Variants in CCDC60 observed in about 807,000 individuals in gnomAD.
CCDC60 encodes the protein coiled-coil domain containing 60.
CCDC60 carries 54 observed loss-of-function variants against 63.5 expected under a neutral mutation model. That is an observed-to-expected ratio of 0.85 (90% CI 0.68 to 1.07). The LOEUF (loss-of-function observed/expected upper bound fraction) is 1.07. Among genes scored for constraint, CCDC60 ranks in the 50% least tolerant of loss-of-function variants. The pLI is 0.00. For missense variants in CCDC60, 651 were observed against 684.3 expected (o/e 0.95, Z 0.54); for synonymous variants, 206 against 238.8 (o/e 0.86, Z 1.27).
chr12:119,397,170 T>C (rs1024892097), intron 1 of CCDC60, among the ~76,000 whole-genome samples: 1 of 152,194 alleles, frequency 6.6e-6, no homozygotes, highest in Non-Finnish European at 1.5e-5. Flanking sequence ...ATGGTGAGCA[T>C]TACAGCTCAT....
chr12:119,470,576 G>A (rs772968899), intron 2 of CCDC60, among the ~76,000 whole-genome samples: 3 of 152,192 alleles, frequency 2.0e-5, no homozygotes, highest in Admixed American at 6.5e-5. Context: ...ACCTTAGCTC[G>A]TCTTAGCAAA....
At chr12:119,433,937 T>A (rs374864832) in intron 2 of CCDC60, among the ~76,000 whole-genome samples, 2 of 152,216 alleles carry the variant, frequency 1.3e-5, no homozygotes, top group Admixed American at 1.3e-4. Context: ...TCTCTTTGCA[T>A]GTGCCCAGTT....
At chr12:119,355,096 T>C (rs1206566716) in intron 1 of CCDC60, among the ~76,000 whole-genome samples, 1 of 152,206 alleles carries the variant, frequency 6.6e-6, no homozygotes, top group Non-Finnish European at 1.5e-5. Flanking sequence ...AGCCTCAGTT[T>C]CCTTATCCAC....
At chr12:119,407,768 C>T (rs1470035539) in intron 1 of CCDC60, among the ~76,000 whole-genome samples, 2 of 152,020 alleles carry the variant, frequency 1.3e-5, no homozygotes, top group Non-Finnish European at 2.9e-5. Flanking sequence ...ATAAAATGGG[C>T]ACTCCAGAAG....
At chr12:119,441,500 A>G (rs111539698) in intron 2 of CCDC60, among the ~76,000 whole-genome samples, 1,666 of 152,324 alleles carry the variant, frequency 0.011, 37 homozygotes, top group African/African-American at 0.038. Context: ...CAGCATCAGA[A>G]GAAGGAACAT....
chr12:119,499,651 C>T (rs1951800407), intron 5 of CCDC60, among the ~76,000 whole-genome samples: 1 of 152,138 alleles, frequency 6.6e-6, no homozygotes, highest in Admixed American at 6.5e-5. Flanking sequence ...CCCTCAATCC[C>T]ACCCAGTAAT....
chr12:119,403,762 C>T (rs761085215), intron 1 of CCDC60, among the ~76,000 whole-genome samples: 13 of 152,160 alleles, frequency 8.5e-5, no homozygotes, highest in Non-Finnish European at 1.6e-4. Flanking sequence ...AGTTCTCACT[C>T]ACCTCCATCC....
At chr12:119,482,603 T>A (rs1387058491) in intron 4 of CCDC60, among the ~76,000 whole-genome samples, 1 of 152,198 alleles carries the variant, frequency 6.6e-6, no homozygotes, top group African/African-American at 2.4e-5. Context: ...GAAGGCTGCC[T>A]TTTCTTATCC....
At chr12:119,458,496 T>G (rs1377399717) in intron 2 of CCDC60, among the ~76,000 whole-genome samples, 1 of 152,216 alleles carries the variant, frequency 6.6e-6, no homozygotes, top group Non-Finnish European at 1.5e-5. Context: ...TGGTAGTTAA[T>G]CCCATGCCCC....
chr12:119,444,265 C>A (rs574718073), intron 2 of CCDC60, among the ~76,000 whole-genome samples: 2 of 152,284 alleles, frequency 1.3e-5, no homozygotes, highest in South Asian at 4.1e-4. Context: ...TGTCACAGTA[C>A]GTGTTGGCTC....
intron 1 of CCDC60, among the ~76,000 whole-genome samples, chr12:119,393,014 AT>A (rs1956187746): frequency 6.6e-6 from 1 of 152,192 alleles, no homozygotes; most frequent in South Asian, 2.1e-4. Flanking sequence ...AATTAAAAAT[AT>A]CAGACAGTCA....
intron 1 of CCDC60, among the ~76,000 whole-genome samples, chr12:119,393,329 G>A (rs1356225986): frequency 1.3e-5 from 2 of 152,200 alleles, no homozygotes; most frequent in Admixed American, 6.5e-5. Flanking sequence ...CCTTGGAAAG[G>A]GAGGAGGGGG....
intron 1 of CCDC60, among the ~76,000 whole-genome samples, chr12:119,383,546 T>G (rs1956030187): frequency 6.6e-6 from 1 of 152,186 alleles, no homozygotes; most frequent in Non-Finnish European, 1.5e-5. Context: ...CCGCGACAGC[T>G]ATGATGGGCT....
chr12:119,488,686 T>G, intron 4 of CCDC60, 73 bp from the exon 5 acceptor site: 2 of 1,298,274 alleles, frequency 1.5e-6, no homozygotes, highest in Non-Finnish European at 2.2e-6. Context: ...ACCACTACTA[T>G]TTCTGTGGCT....
chr12:119,350,724 C>T (rs139813271), intron 1 of CCDC60, among the ~76,000 whole-genome samples: 24 of 152,166 alleles, frequency 1.6e-4, no homozygotes, highest in Middle Eastern at 3.4e-3. Flanking sequence ...CTCTGGTTCC[C>T]GCTCTCAACA....
chr12:119,528,722 A>T lies in CCDC60; in HGVS notation c.1337A>T (p.Asp446Val), dbSNP rs749823399. ...MRHHISVVKG[D>V]AEEIADHWYF... ...CATCACATATCTGTAGTAAAAGGAG[A>T]TGCAGAAGAAATTGCAGACCACTGG... Residue 446 changes from aspartate (D) to valine (V), a missense_variant, in exon 12 of 14, where the codon GAT becomes GTT. Transcript: ENST00000327554. 6.2e-7 allele frequency: 1 copy of T among 1,613,882 alleles called. No homozygotes were observed.
intron 8 of CCDC60, among the ~76,000 whole-genome samples, chr12:119,518,163 G>A (rs1952405204): frequency 6.6e-6 from 1 of 152,156 alleles, no homozygotes; most frequent in Non-Finnish European, 1.5e-5. Context: ...GAGGCACTCA[G>A]AGACAATGCT....
At chr12:119,476,971 CTTAT>C (rs1270842995) in intron 3 of CCDC60, among the ~76,000 whole-genome samples, 1 of 152,236 alleles carries the variant, frequency 6.6e-6, no homozygotes, top group Non-Finnish European at 1.5e-5. Context: ...CACTCTAAAA[CTTAT>C]TAACTCAAGA....
intron 2 of CCDC60, among the ~76,000 whole-genome samples, chr12:119,470,937 G>T (rs150552309): frequency 6.6e-6 from 1 of 152,158 alleles, no homozygotes; most frequent in Admixed American, 6.5e-5. Flanking sequence ...CACATTGCTT[G>T]CTTACTAGGA....
Sources: gnomAD v4.1 joint callset for allele counts (sites outside exome capture counted in the v4.1 genomes callset) on GRCh38, gnomAD v4.1.1 for gene constraint, MANE v1.5 for transcripts, NCBI Gene and HGNC (gene_info 2026-07-23, HGNC 2026-07-21) for gene names.